MYPN: variants seen among roughly 807,000 people sequenced by gnomAD.
The protein encoded by MYPN is myopalladin.
MYPN carries 63 observed loss-of-function variants against 129.4 expected under a neutral mutation model. The ratio of observed to expected loss-of-function variants is 0.49; its 90% CI spans 0.40 to 0.60. The LOEUF (loss-of-function observed/expected upper bound fraction) is 0.60. Ranked by LOEUF, MYPN falls within the 20% of genes least tolerant of loss-of-function variation. The pLI is 0.00. For missense variants in MYPN, 1,596 were observed against 1,635.4 expected, an observed-to-expected ratio of 0.98 and a Z score of 0.42; for synonymous variants, 629 against 600.9, an observed-to-expected ratio of 1.05 and a Z score of -0.68.
chr10:68,157,701 G>T lies in MYPN; in HGVS notation c.1318-785G>T, dbSNP rs189065508. On this transcript the variant is annotated intron_variant, in intron 6 of 19. Coordinates refer to ENST00000358913, the MANE Select transcript of MYPN (RefSeq NM_032578.4). ...AAAAAAAAAAAAAAAAATTAGCCGG[G>T]CGTGGTGACCTGTGCCTTTAGTCCC... 8.8e-3 allele frequency among the ~76,000 whole-genome samples: 1,328 copies of T among 150,646 alleles called. 11 individuals are homozygous for T. Among genetic ancestry groups the T allele is most frequent in the Non-Finnish European group, 0.014 (923 of 67,718 alleles).
At chr10:68,194,331 A>G (rs992293990) in intron 13 of MYPN, 32 bp from the exon 14 acceptor site, 2 of 1,610,010 alleles carry the variant, frequency 1.2e-6, no homozygotes, top group African/African-American at 2.7e-5. Context: ...GATAAACAAA[A>G]CAGTGTACAT....
chr10:68,131,553 A>G (rs181253022), intron 2 of MYPN, among the ~76,000 whole-genome samples: 158 of 152,222 alleles, frequency 1.0e-3, no homozygotes, highest in African/African-American at 3.6e-3. Context: ...AATTTCTGTC[A>G]CCCAGGATGG....
chr10:68,166,209 G>A (rs373281134), intron 9 of MYPN, 85 bp from the exon 10 acceptor site: 4 of 1,498,656 alleles, frequency 2.7e-6, no homozygotes, highest in Non-Finnish European at 2.8e-6. Flanking sequence ...ACATTCCTCT[G>A]GTGTGAACAC....
chr10:68,190,809 A>T (rs1169278092), intron 13 of MYPN, among the ~76,000 whole-genome samples: 1 of 152,188 alleles, frequency 6.6e-6, no homozygotes, highest in Non-Finnish European at 1.5e-5. Context: ...TAGTAGTTTC[A>T]TAGTTTCAGG....
chr10:68,137,598 T>C (rs1341060642), intron 2 of MYPN, among the ~76,000 whole-genome samples: 1 of 152,206 alleles, frequency 6.6e-6, no homozygotes, highest in African/African-American at 2.4e-5. Context: ...CATTTTATTA[T>C]ATAATATTTT....
chr10:68,139,861 AGTG>A (rs1288205012), intron 2 of MYPN, among the ~76,000 whole-genome samples: 5 of 152,248 alleles, frequency 3.3e-5, no homozygotes, highest in African/African-American at 1.2e-4. Context: ...CTGACATTGT[AGTG>A]GTGAATAAGA....
chr10:68,123,741 A>G (rs1300794438), intron 2 of MYPN, among the ~76,000 whole-genome samples: 1 of 151,922 alleles, frequency 6.6e-6, no homozygotes, highest in African/African-American at 2.4e-5. Flanking sequence ...TTAAAAATTC[A>G]GTTATTTAGT....
At chr10:68,153,255 G>A (rs534745845) in intron 6 of MYPN, among the ~76,000 whole-genome samples, 4 of 152,226 alleles carry the variant, frequency 2.6e-5, no homozygotes, top group Non-Finnish European at 4.4e-5. Flanking sequence ...AAAGTGTTGG[G>A]ATTACAGGCG....
chr10:68,132,701 T>TA (rs2042428752), intron 2 of MYPN, among the ~76,000 whole-genome samples: 1 of 151,978 alleles, frequency 6.6e-6, no homozygotes, highest in African/African-American at 2.4e-5. Context: ...TTCCAAATGG[T>TA]AGGGGGGATA....
intron 8 of MYPN, among the ~76,000 whole-genome samples, chr10:68,162,635 A>G (rs927264832): frequency 2.6e-5 from 4 of 152,212 alleles, no homozygotes; most frequent in Admixed American, 6.5e-5. Context: ...CTGTGACAGA[A>G]AGCTGGTTTG....
In MYPN at chr10:68,182,271, T is replaced by C. The variant is rs7913829; in HGVS notation, c.2704-6634T>C. Among the ~76,000 whole-genome samples the C allele has an allele frequency of 6.3e-5, 2 of 31,600 alleles. 1 individual carries two copies. The highest frequency in any genetic ancestry group is 1.3e-3 in the Admixed American group (2 of 1,488). 20.7% of individuals were successfully genotyped at this position (31,600 alleles called of 152,430 possible). ...ATAACACACATATATATATAACATA[T>C]ATATAACACACATATATATATAACA... On this transcript the variant is annotated intron_variant, in intron 12 of 19. Coordinates refer to ENST00000358913, the MANE Select transcript of MYPN (RefSeq NM_032578.4).
rs2042247244 is a variant in MYPN at position 68,121,815 on chromosome 10, C to T, written c.377C>T (p.Thr126Ile). The T allele has an allele frequency of 1.9e-6, 3 of 1,614,072 alleles. No homozygotes were observed. Among genetic ancestry groups the T allele is most frequent in the Non-Finnish European group, 2.5e-6 (3 of 1,180,048 alleles). ...NFCQDNPRSP[T>I]SSKESPQEAK... ...TGCCAGGATAACCCTCGAAGTCCCA[C>T]CAGCTCTAAAGAAAGCCCCCAGGAG... The change falls in exon 2 of 20, where the codon ACC (threonine) becomes ATC (isoleucine). Residue 126 changes from threonine to isoleucine, a missense_variant. Physicochemically the swap from Thr to Ile is moderately conservative, Grantham distance 89. Coordinates refer to ENST00000358913, the MANE Select transcript of MYPN (RefSeq NM_032578.4).
chr10:68,088,833 T>C (rs1178035632), intron 1 of MYPN, among the ~76,000 whole-genome samples: 1 of 152,216 alleles, frequency 6.6e-6, no homozygotes, highest in African/African-American at 2.4e-5. Flanking sequence ...TACAGAGTTG[T>C]GCAACCATTG....
chr10:68,164,393 ACCTC>A (rs1204394586), intron 8 of MYPN, among the ~76,000 whole-genome samples: 1 of 151,946 alleles, frequency 6.6e-6, no homozygotes, highest in Non-Finnish European at 1.5e-5. Flanking sequence ...TGACCTAAAC[ACCTC>A]CCTTTAGGCT....
In MYPN at chr10:68,145,508, A is replaced by T; in HGVS notation, c.1112A>T (p.Asn371Ile). 1 of 1,613,420 alleles carries T rather than the reference A, an allele frequency of 6.2e-7. No individual in the cohort carries two copies. ...VSSSDSEGDP[N>I]KEEMNRIQKP... ...TCTTCTGACTCAGAAGGCGACCCTA[A>T]CAAGGAAGAGATGAATCGGTAATTC... The change falls in exon 4 of 20, where the codon AAC (asparagine) becomes ATC (isoleucine). Residue 371 changes from asparagine to isoleucine, a missense_variant. Asn to Ile is a moderately radical substitution (Grantham distance 149). Transcript: ENST00000358913.
intron 18 of MYPN, among the ~76,000 whole-genome samples, chr10:68,206,429 T>C (rs1204296970): frequency 2.0e-5 from 3 of 152,160 alleles, no homozygotes; most frequent in African/African-American, 7.2e-5. Flanking sequence ...TCCCTGTTCA[T>C]CCCAGAGCAT....
intron 12 of MYPN, among the ~76,000 whole-genome samples, chr10:68,186,562 A>G (rs1396000131): frequency 6.6e-6 from 1 of 152,194 alleles, no homozygotes; most frequent in Non-Finnish European, 1.5e-5. Context: ...TCATAAATTT[A>G]ACCAAAGGTC....
chr10:68,204,801 T>C lies in MYPN; in HGVS notation c.3660-1969T>C, dbSNP rs189772435. 4.3e-3 allele frequency among the ~76,000 whole-genome samples: 642 copies of C among 150,320 alleles called. 5 individuals carry two copies. The highest frequency in any genetic ancestry group is 0.015 in the African/African-American group (596 of 41,012). On this transcript the variant is annotated intron_variant, in intron 18 of 19. Coordinates refer to ENST00000358913, the MANE Select transcript of MYPN (RefSeq NM_032578.4). Reference sequence around the variant, plus strand: ...CTTAAAATATATCATTAGTTTCCCATAATCTGAGAGGAAGGGTCCCGTCCC... The same window carrying C: ...CTTAAAATATATCATTAGTTTCCCACAATCTGAGAGGAAGGGTCCCGTCCC...
At chr10:68,119,738 T>A (rs1164764551) in intron 1 of MYPN, among the ~76,000 whole-genome samples, 2 of 152,174 alleles carry the variant, frequency 1.3e-5, no homozygotes, top group African/African-American at 4.8e-5. Context: ...TTAATCTTTT[T>A]TAAAAGGCAT....
Sources: gnomAD v4.1 joint callset for allele counts (sites outside exome capture counted in the v4.1 genomes callset) on GRCh38, gnomAD v4.1.1 for gene constraint, MANE v1.5 for transcripts, NCBI Gene and HGNC (gene_info 2026-07-23, HGNC 2026-07-21) for gene names.